Variants in B3GALT1 observed in about 807,000 individuals in gnomAD.
B3GALT1 encodes UDP-Gal:betaGlcNAc beta 1,3-galactosyltransferase, polypeptide 1.
A neutral mutation model predicts 23.2 loss-of-function variants in B3GALT1; 10 were observed. The ratio of observed to expected loss-of-function variants is 0.43; its 90% CI spans 0.27 to 0.73. The LOEUF (loss-of-function observed/expected upper bound fraction) is 0.73, where lower values mean the gene tolerates loss of function less well. Ranked by LOEUF, B3GALT1 falls within the 30% of genes least tolerant of loss-of-function variation. The probability of loss-of-function intolerance (pLI) is 0.21; values close to 1 mark genes in which losing one functional copy is unlikely to be tolerated. For synonymous variants in B3GALT1, 156 were observed against 141.5 expected (o/e 1.10, Z -0.73); for missense variants, 299 against 405.4 (o/e 0.74, Z 2.25).
intron 1 of B3GALT1, among the ~76,000 whole-genome samples, chr2:167,364,090 G>A (rs768857792): frequency 6.8e-6 from 1 of 147,310 alleles, no homozygotes; most frequent in Admixed American, 7.0e-5. Flanking sequence ...CTTGAACCCA[G>A]GAGATGGAGG....
At chr2:167,735,518 G>A (rs1385542563) in intron 3 of B3GALT1, among the ~76,000 whole-genome samples, 3 of 152,228 alleles carry the variant, frequency 2.0e-5, no homozygotes, top group Non-Finnish European at 4.4e-5. Flanking sequence ...TTGATAATGT[G>A]TAGAATAATA....
chr2:167,429,596 C>T (rs907221118), intron 1 of B3GALT1, among the ~76,000 whole-genome samples: 10 of 151,944 alleles, frequency 6.6e-5, no homozygotes, highest in African/African-American at 2.4e-4. Context: ...AAAAAATAAG[C>T]ACAATGGCCA....
intron 1 of B3GALT1, among the ~76,000 whole-genome samples, chr2:167,307,242 T>C (rs1696565557): frequency 6.6e-6 from 1 of 152,038 alleles, no homozygotes; most frequent in Non-Finnish European, 1.5e-5. Flanking sequence ...GTGAAGTATA[T>C]ATGTTTCTTC....
chr2:167,714,991 C>G lies in B3GALT1; in HGVS notation c.-352+68025C>G. On this transcript the variant is annotated intron_variant, in intron 3 of 4. Transcript: ENST00000392690. Reference sequence around the variant, plus strand: ...CTGACTGCAAAGATGCTTGTTGAGTCTGAAGATTTTTAATATGCTCGGTAA... The same window carrying G: ...CTGACTGCAAAGATGCTTGTTGAGTGTGAAGATTTTTAATATGCTCGGTAA... 2.5e-6 allele frequency: 4 copies of G among 1,611,566 alleles called. No homozygotes were observed. In the South Asian group the frequency reaches 4.4e-5, roughly 18 times the overall value.
intron 1 of B3GALT1, among the ~76,000 whole-genome samples, chr2:167,384,102 A>T (rs570474285): frequency 2.0e-5 from 3 of 152,338 alleles, no homozygotes; most frequent in African/African-American, 7.2e-5. Context: ...TTTCCATTTT[A>T]GTTTTAAAAT....
chr2:167,559,245 G>C (rs542621287), intron 2 of B3GALT1, among the ~76,000 whole-genome samples: 2 of 152,232 alleles, frequency 1.3e-5, no homozygotes, highest in South Asian at 4.1e-4. Flanking sequence ...CTGCAGCTGA[G>C]GGTCCTGTCT....
At chr2:167,833,890 A>G (rs1396129658) in intron 4 of B3GALT1, among the ~76,000 whole-genome samples, 2 of 152,190 alleles carry the variant, frequency 1.3e-5, no homozygotes, top group African/African-American at 2.4e-5. Flanking sequence ...GTTTACACCT[A>G]GAGTAGATAA....
chr2:167,556,327 G>A (rs1683851203), intron 2 of B3GALT1, among the ~76,000 whole-genome samples: 1 of 152,072 alleles, frequency 6.6e-6, no homozygotes, highest in Non-Finnish European at 1.5e-5. Context: ...AAACAGTTTC[G>A]AGGACTAAAG....
chr2:167,857,748 CT>C (rs1222370764), intron 4 of B3GALT1, among the ~76,000 whole-genome samples: 2 of 152,024 alleles, frequency 1.3e-5, no homozygotes, highest in Non-Finnish European at 2.9e-5. Flanking sequence ...AACAAAAAGG[CT>C]TGGTTAAAAA....
At chr2:167,446,829 A>C (rs1354059235) in intron 1 of B3GALT1, among the ~76,000 whole-genome samples, 1 of 150,578 alleles carries the variant, frequency 6.6e-6, no homozygotes, top group Admixed American at 6.6e-5. Context: ...AGCTCAGAGA[A>C]GTTTGATCAT....
intron 2 of B3GALT1, among the ~76,000 whole-genome samples, chr2:167,570,990 C>A (rs1175963669): frequency 2.0e-5 from 3 of 151,910 alleles, no homozygotes; most frequent in Non-Finnish European, 4.4e-5. Context: ...ATAATAACAT[C>A]CTCCACAATA....
chr2:167,625,961 A>ATG (rs1685334481), intron 2 of B3GALT1, among the ~76,000 whole-genome samples: 1 of 22,322 alleles, frequency 4.5e-5, no homozygotes, highest in South Asian at 7.6e-4. Context: ...ATATATATAT[A>ATG]TATATATATA....
chr2:167,392,227 T>G (rs1442730172), intron 1 of B3GALT1, among the ~76,000 whole-genome samples: 1 of 152,040 alleles, frequency 6.6e-6, no homozygotes, highest in Non-Finnish European at 1.5e-5. Flanking sequence ...TTTTAACAAT[T>G]ATCTAACTTG....
intron 2 of B3GALT1, among the ~76,000 whole-genome samples, chr2:167,610,388 C>A (rs1685038900): frequency 6.6e-6 from 1 of 152,042 alleles, no homozygotes; most frequent in South Asian, 2.1e-4. Context: ...TGTAGAAAAC[C>A]TATCTCCATA....
chr2:167,765,044 G>C (rs1342858337), intron 3 of B3GALT1, among the ~76,000 whole-genome samples: 2 of 152,116 alleles, frequency 1.3e-5, no homozygotes, highest in African/African-American at 2.4e-5. Flanking sequence ...AACCGTTCAC[G>C]CTGGCATTTT....
chr2:167,840,941 C>T lies in B3GALT1; in HGVS notation c.-230+22148C>T, dbSNP rs576976684. The stretch of plus-strand genomic sequence containing the variant: ...TATCGAAGAACAAAAAACCAAACAC[C>T]GCATATTCTCACTCATAGGTGGGAA... On this transcript the variant is annotated intron_variant, in intron 4 of 4. Transcript: ENST00000392690. Among the ~76,000 whole-genome samples, 840 of 147,328 alleles carry T rather than the reference C, an allele frequency of 5.7e-3. 9 individuals are homozygous for T. The highest frequency in any genetic ancestry group is 0.019 in the African/African-American group (735 of 39,198).
intron 3 of B3GALT1, among the ~76,000 whole-genome samples, chr2:167,810,923 A>G (rs1186308149): frequency 6.6e-6 from 1 of 152,238 alleles, no homozygotes; most frequent in Admixed American, 6.5e-5. Context: ...AGGAGGATGT[A>G]GCTCATTCAC....
At chr2:167,304,985 C>G (rs968518646) in intron 1 of B3GALT1, among the ~76,000 whole-genome samples, 3 of 152,146 alleles carry the variant, frequency 2.0e-5, no homozygotes, top group African/African-American at 4.8e-5. Flanking sequence ...ACATTTTGTT[C>G]TATTCTCACC....
intron 4 of B3GALT1, among the ~76,000 whole-genome samples, chr2:167,840,559 C>T (rs1240576276): frequency 1.4e-5 from 2 of 147,128 alleles, no homozygotes; most frequent in Admixed American, 6.8e-5. Flanking sequence ...GAAATAGGAA[C>T]ACTTTTACAC....
Sources: gnomAD v4.1 joint callset for allele counts (sites outside exome capture counted in the v4.1 genomes callset) on GRCh38, gnomAD v4.1.1 for gene constraint, MANE v1.5 for transcripts, NCBI Gene and HGNC (gene_info 2026-07-23, HGNC 2026-07-21) for gene names.